The following JAKMIP1 variants were observed in gnomAD, a reference collection of about 807,000 sequenced individuals.
JAKMIP1 encodes janus kinase and microtubule interacting protein 1, also known as janus kinase and microtubule-interacting protein 1.
JAKMIP1 carries 33 observed loss-of-function variants against 113.0 expected under a neutral mutation model. That is an observed-to-expected ratio of 0.29 (90% CI 0.22 to 0.39). The LOEUF is 0.39. JAKMIP1 is among the 10% of genes least tolerant of loss of function. The pLI, the probability that JAKMIP1 is intolerant of heterozygous loss-of-function variation, is 1.00. For missense variants in JAKMIP1, 813 were observed against 1,080.5 expected, an observed-to-expected ratio of 0.75 and a Z score of 3.47; for synonymous variants, 480 against 459.9, an observed-to-expected ratio of 1.04 and a Z score of -0.56.
Position 6,176,108 on chromosome 4 carries a change from A to T in JAKMIP1, c.-148+24145T>A, listed in dbSNP as rs1470532680. Among the ~76,000 whole-genome samples the T allele has an allele frequency of 6.6e-6, 1 of 152,224 alleles. No homozygotes were observed. The highest frequency in any genetic ancestry group is 1.9e-4 in the East Asian group (1 of 5,196). On this transcript the variant is annotated intron_variant, in intron 1 of 20. Transcript: ENST00000409021. The surrounding 1 kb of genome is among the most constrained non-coding windows in gnomAD (Gnocchi z 5.5). ...TGAACATGGTGTAATGCTCCCCTGG[A>T]GTAGTCAGAGATCTAGTGAGAAGAA... is the stretch of plus-strand genomic sequence containing the variant.
Position 6,192,224 on chromosome 4 carries a change from C to T in JAKMIP1, c.-148+8029G>A, listed in dbSNP as rs543258454. Among the ~76,000 whole-genome samples, 2 of 152,218 alleles carry T rather than the reference C, an allele frequency of 1.3e-5. No homozygotes were observed. The highest frequency in any genetic ancestry group is 1.9e-4 in the East Asian group (1 of 5,178). On this transcript the variant is annotated intron_variant, in intron 1 of 20. Coordinates refer to ENST00000409021, the MANE Select transcript of JAKMIP1 (RefSeq NM_001099433.2). The surrounding 1 kb of genome is among the most constrained non-coding windows in gnomAD (Gnocchi z 5.0). ...CTGGGATTACAGGCGTGAGCCACCG[C>T]GCCTGGCCAGGGTGTATTTTTCACT... is the stretch of plus-strand genomic sequence containing the variant.
At chr4:6,048,819 G>T (rs1278463040) in intron 16 of JAKMIP1, 38 bp downstream of exon 16, 4 of 1,566,974 alleles carry the variant, frequency 2.6e-6, no homozygotes, top group Non-Finnish European at 3.5e-6. Flanking sequence ...TGGGAAGCTG[G>T]GACAAGGTGT....
At chr4:6,151,319 G>T (rs1352319774) in intron 1 of JAKMIP1, among the ~76,000 whole-genome samples, 1 of 152,190 alleles carries the variant, frequency 6.6e-6, no homozygotes, top group African/African-American at 2.4e-5. Context: ...ACTTTCTCAA[G>T]ATCTCAAGCC....
Position 6,136,038 on chromosome 4 carries a change from G to C in JAKMIP1, c.-147-23041C>G, listed in dbSNP as rs1719194522. On this transcript the variant is annotated intron_variant, in intron 1 of 20. Coordinates refer to ENST00000409021, the MANE Select transcript of JAKMIP1 (RefSeq NM_001099433.2). The surrounding 1 kb of genome is among the most constrained non-coding windows in gnomAD (Gnocchi z 5.9). ...AGGTGGGTGGATCACTTGAGGTCAG[G>C]AGTTCAAGATCAGCCTGGCGAACAG... is the stretch of plus-strand genomic sequence containing the variant. Among the ~76,000 whole-genome samples the C allele has an allele frequency of 6.6e-6, 1 of 152,144 alleles. No homozygotes were observed. Among genetic ancestry groups the C allele is most frequent in the Non-Finnish European group, 1.5e-5 (1 of 68,026 alleles).
At chr4:6,164,279 G>A (rs1284985826) in intron 1 of JAKMIP1, among the ~76,000 whole-genome samples, 3 of 152,170 alleles carry the variant, frequency 2.0e-5, no homozygotes, top group African/African-American at 7.2e-5. Context: ...GAGATCCTAG[G>A]GCCCTGTGCT....
In JAKMIP1 at chr4:6,137,116, C is replaced by A. The variant is rs1719356598; in HGVS notation, c.-147-24119G>T. 6.6e-6 allele frequency among the ~76,000 whole-genome samples: 1 copy of A among 152,218 alleles called. No individual in the cohort carries two copies. Among genetic ancestry groups the A allele is most frequent in the South Asian group, 2.1e-4 (1 of 4,830 alleles). ...GAATAATCACTCTTCCTCCTCAACACCCCCTCCCTATTTTCATGGTAAGGT... is the reference window on the plus strand; with the variant it reads ...GAATAATCACTCTTCCTCCTCAACAACCCCTCCCTATTTTCATGGTAAGGT... On this transcript the variant is annotated intron_variant, in intron 1 of 20. Transcript: ENST00000409021. This position sits in a 1 kb window ranked among gnomAD's most constrained non-coding sequence, Gnocchi z 4.5.
chr4:6,112,695 C>T (rs1543966), intron 2 of JAKMIP1, 27 bp downstream of exon 2: 16 of 1,605,850 alleles, frequency 1.0e-5, no homozygotes, highest in African/African-American at 8.0e-5. Context: ...GCAGCCCAGC[C>T]GCTGCTGAGC....
chr4:6,127,094 C>A (rs1299487735), intron 1 of JAKMIP1, among the ~76,000 whole-genome samples: 2 of 152,186 alleles, frequency 1.3e-5, no homozygotes, highest in African/African-American at 4.8e-5. Flanking sequence ...GCAGGGCAGG[C>A]TCCCCAGCAA....
rs933614919 is a variant in JAKMIP1 at position 6,138,237 on chromosome 4, T to G, written c.-147-25240A>C. Reference sequence around the variant, plus strand: ...TACCCCAGAACCCAAGTTAATTTAATTTTTATTTATTTTTATTTTTATTTT... The same window carrying G: ...TACCCCAGAACCCAAGTTAATTTAAGTTTTATTTATTTTTATTTTTATTTT... On this transcript the variant is annotated intron_variant, in intron 1 of 20. Coordinates refer to ENST00000409021, the MANE Select transcript of JAKMIP1 (RefSeq NM_001099433.2). This position sits in a 1 kb window ranked among gnomAD's most constrained non-coding sequence, Gnocchi z 6.0. 1.3e-5 allele frequency among the ~76,000 whole-genome samples: 2 copies of G among 152,110 alleles called. No homozygotes were observed. Among genetic ancestry groups the G allele is most frequent in the South Asian group, 4.1e-4 (2 of 4,820 alleles).
chr4:6,035,109 C>T (rs958930216), intron 19 of JAKMIP1, among the ~76,000 whole-genome samples: 22 of 152,022 alleles, frequency 1.4e-4, no homozygotes, highest in Non-Finnish European at 2.8e-4. Flanking sequence ...GTAAGTCAAC[C>T]TCTTTCTCTC....
chr4:6,086,277 T>G lies in JAKMIP1; in HGVS notation c.625-648A>C, dbSNP rs114676424. ...CTGGAGTTTCCAAGGCTCGGGCCTCTTCTCACTCTATATCCTCTCCCAGGC... is the reference window on the plus strand; with the variant it reads ...CTGGAGTTTCCAAGGCTCGGGCCTCGTCTCACTCTATATCCTCTCCCAGGC... On this transcript the variant is annotated intron_variant, in intron 3 of 20. Coordinates refer to ENST00000409021, the MANE Select transcript of JAKMIP1 (RefSeq NM_001099433.2). The surrounding 1 kb of genome is among the most constrained non-coding windows in gnomAD (Gnocchi z 4.1). 5.4e-4 allele frequency among the ~76,000 whole-genome samples: 82 copies of G among 152,232 alleles called. No homozygotes were observed. In the East Asian group the frequency reaches 0.015, roughly 28 times the overall value.
Position 6,113,015 on chromosome 4 carries a change from A to G in JAKMIP1, c.-147-18T>C. ...TTGGGATCCTGAAGGAAGGAGGGAA[A>G]CTGAGTTAGCAGAGACAGAAGGGTG... is the stretch of plus-strand genomic sequence containing the variant. On this transcript the variant is annotated intron_variant, in intron 1 of 20. Transcript: ENST00000409021. 9.1e-7 allele frequency: 1 copy of G among 1,104,174 alleles called. No individual in the cohort carries two copies. The highest frequency in any genetic ancestry group is 1.2e-6 in the Non-Finnish European group (1 of 802,312). 68.4% of individuals were successfully genotyped at this position (1,104,174 alleles called of 1,614,324 possible).
At chr4:6,073,042 C>T (rs970803445) in intron 8 of JAKMIP1, among the ~76,000 whole-genome samples, 2 of 148,314 alleles carry the variant, frequency 1.3e-5, no homozygotes, top group African/African-American at 5.0e-5. Context: ...CACGCCACTA[C>T]ACTCCAACCT....
chr4:6,041,020 G>A (rs548024658), intron 17 of JAKMIP1, among the ~76,000 whole-genome samples: 38 of 152,244 alleles, frequency 2.5e-4, no homozygotes, highest in Non-Finnish European at 4.9e-4. Context: ...GCAAGTCACA[G>A]GAGTCCTTCT....
intron 20 of JAKMIP1, among the ~76,000 whole-genome samples, chr4:6,028,907 T>C (rs548672865): frequency 6.6e-6 from 1 of 152,318 alleles, no homozygotes; most frequent in South Asian, 2.1e-4. Flanking sequence ...CCACAAACAT[T>C]TGATGATACC....
At chr4:6,120,781 C>T (rs1011755233) in intron 1 of JAKMIP1, among the ~76,000 whole-genome samples, 4 of 152,210 alleles carry the variant, frequency 2.6e-5, no homozygotes, top group East Asian at 1.9e-4. Context: ...TCCTTCCATG[C>T]GTCCTTTATG....
intron 3 of JAKMIP1, among the ~76,000 whole-genome samples, chr4:6,098,538 G>GAAAA (rs1712242286): frequency 2.2e-5 from 1 of 46,478 alleles, no homozygotes; most frequent in South Asian, 1.1e-3. Context: ...GAGAGAGAGA[G>GAAAA]AGAAAGAAAA....
At chr4:6,115,783 G>A (rs1230449925) in intron 1 of JAKMIP1, among the ~76,000 whole-genome samples, 1 of 152,232 alleles carries the variant, frequency 6.6e-6, no homozygotes, top group Admixed American at 6.5e-5. Flanking sequence ...AAAAGCTGAA[G>A]AGAAAGCAAA....
chr4:6,120,270 T>C (rs1402982965), intron 1 of JAKMIP1, among the ~76,000 whole-genome samples: 1 of 151,952 alleles, frequency 6.6e-6, no homozygotes, highest in Non-Finnish European at 1.5e-5. Flanking sequence ...TTGTTTTAAA[T>C]ATCTAAATCC....
Sources: gnomAD v4.1 joint callset for allele counts (sites outside exome capture counted in the v4.1 genomes callset) on GRCh38, gnomAD v4.1.1 for gene constraint, Gnocchi (gnomAD v3.1) non-coding constraint, MANE v1.5 for transcripts, NCBI Gene and HGNC (gene_info 2026-07-23, HGNC 2026-07-21) for gene names.